The following ANKMY1 variants were observed in gnomAD, a reference collection of about 807,000 sequenced individuals.
ANKMY1 encodes ankyrin repeat and MYND domain containing 1, also known as ankyrin repeat and MYND domain-containing protein 1.
Under a neutral mutation model 102.0 loss-of-function variants are expected in ANKMY1, and 98 were observed. That is an observed-to-expected ratio of 0.96 (90% CI 0.82 to 1.14). The LOEUF (loss-of-function observed/expected upper bound fraction) is 1.14. ANKMY1 is among the 50% of genes most tolerant of loss of function. The pLI, the probability that ANKMY1 is intolerant of heterozygous loss-of-function variation, is 0.00. For missense variants in ANKMY1, 1,330 were observed against 1,347.6 expected (o/e 0.99, Z 0.20); for synonymous variants, 582 against 559.9 (o/e 1.04, Z -0.56).
At chr2:240,515,912 G>C (rs2081117897) in intron 9 of ANKMY1, among the ~76,000 whole-genome samples, 1 of 150,992 alleles carries the variant, frequency 6.6e-6, no homozygotes, top group African/African-American at 2.4e-5. Context: ...TTTTAGTAGA[G>C]ACAGGGTTTC....
Position 240,479,555 on chromosome 2 carries a change from A to G in ANKMY1, c.*54T>C. 1 of 1,546,436 alleles carries G rather than the reference A, an allele frequency of 6.5e-7. No individual in the cohort carries two copies. Among genetic ancestry groups the G allele is most frequent in the Non-Finnish European group, 8.9e-7 (1 of 1,123,366 alleles). On this transcript the variant is annotated 3_prime_UTR_variant, in exon 18 of 18. Coordinates refer to ENST00000401804, the MANE Select transcript of ANKMY1 (RefSeq NM_001282771.3). ...TTCCCTGAGGTGGCTCAGGCAGGTA[A>G]GAAACCCACACAGTCCTGGGTCCTC... is the stretch of plus-strand genomic sequence containing the variant.
At position 240,526,298 on chromosome 2, in the gene ANKMY1, G is replaced by T; in HGVS notation, c.1101C>A (p.Ile367=). 6.2e-7 allele frequency: 1 copy of T among 1,614,152 alleles called. No homozygotes were observed. Among genetic ancestry groups the T allele is most frequent in the Admixed American group, 1.7e-5 (1 of 60,024 alleles). Residue 367 remains isoleucine, a synonymous_variant, in exon 6 of 18, where the codon ATC becomes ATA. Transcript: ENST00000401804. ...EEGNHEWICR[I]LKDNFASADV... is the part of the protein sequence containing the mutation. The stretch of plus-strand genomic sequence containing the variant: ...CAGCACTAGCAAAGTTGTCCTTCAG[G>T]ATCCTACAAATCCATTCGTGGTTCC...
intron 15 of ANKMY1, among the ~76,000 whole-genome samples, chr2:240,494,775 T>C (rs901029392): frequency 6.6e-6 from 1 of 152,036 alleles, no homozygotes; most frequent in African/African-American, 2.4e-5. Context: ...CTTGCCAGGA[T>C]TGCATGATTC....
intron 3 of ANKMY1, 81 bp downstream of exon 3, chr2:240,554,785 C>A: frequency 6.6e-7 from 1 of 1,510,936 alleles, no homozygotes; most frequent in Admixed American, 1.8e-5. Context: ...TAAAAGTTCC[C>A]GTCCCATCAC....
rs1282927283 is a variant in ANKMY1, at chr2:240,509,537, T to C, written c.2287-82A>G. 4 of 966,348 alleles carry C rather than the reference T, an allele frequency of 4.1e-6. No individual in the cohort carries two copies. The African/African-American group carries it at 4.9e-5, about 12-fold the overall frequency. 59.9% of individuals were successfully genotyped at this position (966,348 alleles called of 1,614,324 possible). On this transcript the variant is annotated intron_variant, in intron 11 of 17. Transcript: ENST00000401804. ...ATGGTAGTCATTAATTTAAATGCCA[T>C]GAAATCAATGTAGTCACTCAACGGC...
At chr2:240,556,905 G>C (rs1196255265) in intron 2 of ANKMY1, among the ~76,000 whole-genome samples, 3 of 152,198 alleles carry the variant, frequency 2.0e-5, no homozygotes, top group Non-Finnish European at 4.4e-5. Flanking sequence ...AGACAGCTTG[G>C]GAGCCCCATC....
In ANKMY1 at chr2:240,529,279, CT is replaced by C. The variant is rs1252992920; in HGVS notation, c.710del (p.Gln237ArgfsTer13). 12 of 1,614,148 alleles carry C rather than the reference CT, an allele frequency of 7.4e-6. No individual in the cohort carries two copies. The highest frequency in any genetic ancestry group is 1.0e-5 in the Non-Finnish European group (12 of 1,180,032). On this transcript the variant is annotated frameshift_variant, in exon 5 of 18. Transcript: ENST00000401804. LOFTEE classifies it high-confidence loss of function. This position sits in a 1 kb window ranked among gnomAD's most constrained non-coding sequence, Gnocchi z 4.2. ...EKTEWGLQEG[Q>X]DPFFYDYKRF... The stretch of plus-strand genomic sequence containing the variant: ...GCTTATAGTCATAGAAAAAGGGATC[CT>C]GTCCCTCCTGCAGTCCCCACTCCGT...
intron 8 of ANKMY1, 196 bp downstream of exon 8, chr2:240,523,689 A>T (rs911144052): frequency 1.1e-6 from 1 of 908,732 alleles, no homozygotes; most frequent in Admixed American, 2.9e-5. Context: ...GGCACTGAAA[A>T]CAGCCCGTCA....
At chr2:240,541,794 G>A (rs1213980471) in intron 4 of ANKMY1, among the ~76,000 whole-genome samples, 1 of 151,656 alleles carries the variant, frequency 6.6e-6, no homozygotes, top group Non-Finnish European at 1.5e-5. Flanking sequence ...GAGCCACCAC[G>A]CTGGGCGTAT....
chr2:240,516,327 G>A (rs1485022904), intron 9 of ANKMY1, among the ~76,000 whole-genome samples: 1 of 152,002 alleles, frequency 6.6e-6, no homozygotes, highest in East Asian at 1.9e-4. Context: ...CCTTTTTGGG[G>A]GGTATTGGGT....
rs565024603 is a variant in ANKMY1 at position 240,526,623 on chromosome 2, A to G, written c.954-178T>C. On this transcript the variant is annotated intron_variant, in intron 5 of 17. Transcript: ENST00000401804. ...CACCCGCAGCTGCTCACAATCCACTAGGTTGCACACGGTGGTGCAGACATG... is the reference window on the plus strand; with the variant it reads ...CACCCGCAGCTGCTCACAATCCACTGGGTTGCACACGGTGGTGCAGACATG... 6.2e-6 allele frequency: 9 copies of G among 1,451,996 alleles called. No homozygotes were observed. The East Asian group carries it at 2.2e-4, about 36-fold the overall frequency. 89.9% of individuals were successfully genotyped at this position (1,451,996 alleles called of 1,614,324 possible).
chr2:240,526,737 T>C, intron 5 of ANKMY1: 6 of 1,330,512 alleles, frequency 4.5e-6, no homozygotes, highest in Non-Finnish European at 5.8e-6. Flanking sequence ...CTGATTCATC[T>C]GGGTGTTTGC....
chr2:240,502,772 T>A lies in ANKMY1; in HGVS notation c.2527-2207A>T, dbSNP rs1206899744. 5.3e-5 allele frequency among the ~76,000 whole-genome samples: 8 copies of A among 150,816 alleles called. No homozygotes were observed. In the East Asian group the frequency reaches 1.6e-3, roughly 29 times the overall value. On this transcript the variant is annotated intron_variant, in intron 13 of 17. Transcript: ENST00000401804. ...CCCTCCCAAGCCCCCACATCTGAAC[T>A]ATGACATCACTGCATCCGCCCCTCA...
chr2:240,532,041 CAG>C (rs1211658266), intron 4 of ANKMY1: 5 of 456,594 alleles, frequency 1.1e-5, no homozygotes, highest in African/African-American at 2.0e-5. Flanking sequence ...ATTCGAGTAC[CAG>C]AGAGAGAGGA....
the ANKMY1 span, among the ~76,000 whole-genome samples, chr2:240,474,262 A>ATT: frequency 9.9e-3 from 899 of 90,966 alleles, 28 homozygotes; most frequent in African/African-American, 0.016. Context: ...TGCCTGGCTA[A>ATT]TTTTTTTTTT....
the ANKMY1 span, among the ~76,000 whole-genome samples, chr2:240,468,961 G>A: frequency 2.0e-5 from 3 of 152,180 alleles, no homozygotes; most frequent in African/African-American, 4.8e-5. Context: ...AGGCCCCTCC[G>A]CAAGTCCCAG....
chr2:240,517,256 C>A (rs1467796789), intron 9 of ANKMY1, among the ~76,000 whole-genome samples: 1 of 152,202 alleles, frequency 6.6e-6, no homozygotes, highest in Non-Finnish European at 1.5e-5. Flanking sequence ...ATGAGAACCT[C>A]TTAGAATAAC....
the ANKMY1 span, among the ~76,000 whole-genome samples, chr2:240,474,156 C>T: frequency 7.9e-5 from 12 of 151,756 alleles, no homozygotes; most frequent in South Asian, 1.2e-3. Flanking sequence ...AGTGCAGTGG[C>T]GCAATCTTGG....
At chr2:240,531,771 G>C (rs1298885267) in intron 4 of ANKMY1, among the ~76,000 whole-genome samples, 1 of 152,168 alleles carries the variant, frequency 6.6e-6, no homozygotes, top group Non-Finnish European at 1.5e-5. Context: ...AAAAATTCTG[G>C]GGGATGATAG....
Sources: allele counts gnomAD v4.1 joint callset (sites outside exome capture counted in the v4.1 genomes callset), GRCh38; gene constraint gnomAD v4.1.1; non-coding constraint Gnocchi (gnomAD v3.1); transcripts MANE v1.5; gene names NCBI Gene and HGNC (gene_info 2026-07-23, HGNC 2026-07-21).